Variants in TENM3 observed in about 807,000 individuals in gnomAD.
TENM3 encodes the protein teneurin transmembrane protein 3.
A neutral mutation model predicts 255.1 loss-of-function variants in TENM3; 63 were observed. The observed-to-expected ratio is 0.25, with a 90% CI of 0.20 to 0.30. TENM3 has a LOEUF of 0.30. Ranked by LOEUF, TENM3 falls within the 10% of genes least tolerant of loss-of-function variation. The pLI is 1.00. For synonymous variants in TENM3, 1,306 were observed against 1,322.3 expected, an observed-to-expected ratio of 0.99 and a Z score of 0.27; for missense variants, 2,929 against 3,461.1, an observed-to-expected ratio of 0.85 and a Z score of 3.86.
intron 3 of TENM3, among the ~76,000 whole-genome samples, chr4:182,468,786 T>C (rs868101238): frequency 2.0e-5 from 3 of 147,630 alleles, no homozygotes; most frequent in Middle Eastern, 3.5e-3. Context: ...TTTTCAGGAG[T>C]CTTCAAGTAA....
At chr4:181,796,640 G>A in the TENM3 span, among the ~76,000 whole-genome samples, 1 of 152,158 alleles carries the variant, frequency 6.6e-6, no homozygotes, top group Non-Finnish European at 1.5e-5. Flanking sequence ...GAATTAATCA[G>A]CAGGATGACA....
At chr4:182,498,835 G>A (rs1467396226) in intron 3 of TENM3, among the ~76,000 whole-genome samples, 1 of 150,142 alleles carries the variant, frequency 6.7e-6, no homozygotes, top group African/African-American at 2.4e-5. Flanking sequence ...ATCTTAGGCA[G>A]CAAGAGTGAA....
chr4:182,320,350 C>T (rs1028332725), intron 1 of TENM3, among the ~76,000 whole-genome samples: 6 of 152,180 alleles, frequency 3.9e-5, no homozygotes, highest in South Asian at 2.1e-4. Context: ...CACACCTCTG[C>T]GGTCCAGAGA....
chr4:182,737,729 T>C lies in TENM3; in HGVS notation c.3235+654T>C, dbSNP rs72995201. Reference sequence around the variant, plus strand: ...ATATGTTTTTGTTTTAATTAGTATTTACCTTAAAATAGAACATTGTACTCT... The same window carrying C: ...ATATGTTTTTGTTTTAATTAGTATTCACCTTAAAATAGAACATTGTACTCT... On this transcript the variant is annotated intron_variant, in intron 17 of 27. Transcript: ENST00000511685. Among the ~76,000 whole-genome samples the C allele has an allele frequency of 8.3e-3, 1,266 of 152,310 alleles. 15 individuals carry two copies. Among genetic ancestry groups the C allele is most frequent in the African/African-American group, 0.029 (1,187 of 41,564 alleles).
chr4:181,653,870 G>A, the TENM3 span, among the ~76,000 whole-genome samples: 6 of 151,150 alleles, frequency 4.0e-5, 1 homozygote, highest in East Asian at 2.0e-4. Context: ...CCTTTCCCCC[G>A]ACCCAGCAAC....
intron 1 of TENM3, among the ~76,000 whole-genome samples, chr4:182,155,032 A>G (rs1208961137): frequency 6.6e-6 from 1 of 152,192 alleles, no homozygotes; most frequent in Non-Finnish European, 1.5e-5. Flanking sequence ...TTAAGTGGTC[A>G]GATTACATAA....
chr4:181,497,589 A>C, the TENM3 span, among the ~76,000 whole-genome samples: 1 of 152,210 alleles, frequency 6.6e-6, no homozygotes, highest in African/African-American at 2.4e-5. Context: ...ATACAGAGGA[A>C]GCAAAACAAA....
chr4:181,562,796 T>G, the TENM3 span, among the ~76,000 whole-genome samples: 1 of 151,966 alleles, frequency 6.6e-6, no homozygotes, highest in Non-Finnish European at 1.5e-5. Flanking sequence ...TGCCTCAGCC[T>G]CCCAAGTAGC....
rs1227854979 is a variant in TENM3 at position 182,664,202 on chromosome 4, G to A, written c.1112-8803G>A. On this transcript the variant is annotated intron_variant, in intron 6 of 27. Coordinates refer to ENST00000511685, the MANE Select transcript of TENM3 (RefSeq NM_001080477.4). ...ATCGGCACCATTTTTCCAACAGCAT[G>A]TGCTCACATCATGTCTCTCTGTTGC... 7.2e-5 allele frequency among the ~76,000 whole-genome samples: 11 copies of A among 152,174 alleles called. 1 individual carries two copies.
At chr4:182,302,181 G>A (rs1761892033) in intron 1 of TENM3, among the ~76,000 whole-genome samples, 1 of 152,180 alleles carries the variant, frequency 6.6e-6, no homozygotes, top group Non-Finnish European at 1.5e-5. Context: ...TTTGCCCACA[G>A]ATTGTCTCCC....
At chr4:181,718,896 C>T in the TENM3 span, among the ~76,000 whole-genome samples, 1 of 152,214 alleles carries the variant, frequency 6.6e-6, no homozygotes, top group African/African-American at 2.4e-5. Flanking sequence ...CATAGTTTCT[C>T]CTTTAGTTCA....
chr4:181,820,809 C>CAT, the TENM3 span, among the ~76,000 whole-genome samples: 5 of 152,208 alleles, frequency 3.3e-5, no homozygotes, highest in African/African-American at 9.6e-5. Flanking sequence ...AGTGGCAGCA[C>CAT]ATGTGGTTCA....
Position 182,369,954 on chromosome 4 carries a change from T to G in TENM3, c.511+23025T>G, listed in dbSNP as rs561092397. Among the ~76,000 whole-genome samples, 27 of 152,292 alleles carry G rather than the reference T, an allele frequency of 1.8e-4. 1 individual carries two copies. Among genetic ancestry groups the G allele is most frequent in the Admixed American group, 1.8e-3 (27 of 15,302 alleles). ...GCATTTGATGAGAAGATAAGAGATC[T>G]GGTTTCTTATTCTGGTTCTATCATT... On this transcript the variant is annotated intron_variant, in intron 3 of 27. Coordinates refer to ENST00000511685, the MANE Select transcript of TENM3 (RefSeq NM_001080477.4).
chr4:182,620,211 C>G (rs1034670163), intron 4 of TENM3, among the ~76,000 whole-genome samples: 1 of 152,144 alleles, frequency 6.6e-6, no homozygotes, highest in Non-Finnish European at 1.5e-5. Flanking sequence ...TTTCCTTGTG[C>G]GGAAACTCAC....
chr4:182,137,340 C>CCG, the TENM3 span, among the ~76,000 whole-genome samples: 1 of 150,812 alleles, frequency 6.6e-6, no homozygotes, highest in African/African-American at 2.4e-5. Flanking sequence ...ACCTCCCCCC[C>CCG]CCCAAAAAGG....
At chr4:182,601,562 A>G (rs1747875274) in intron 4 of TENM3, among the ~76,000 whole-genome samples, 2 of 152,170 alleles carry the variant, frequency 1.3e-5, no homozygotes, top group South Asian at 2.1e-4. Flanking sequence ...TTCTCAGACT[A>G]TATTTTGTTC....
chr4:181,554,515 A>T, the TENM3 span, among the ~76,000 whole-genome samples: 1 of 152,210 alleles, frequency 6.6e-6, no homozygotes, highest in Non-Finnish European at 1.5e-5. Context: ...AATCTAGTTC[A>T]CCTCTGAACT....
At chr4:181,546,474 G>T in the TENM3 span, among the ~76,000 whole-genome samples, 23 of 151,782 alleles carry the variant, frequency 1.5e-4, no homozygotes, top group Admixed American at 9.2e-4. Flanking sequence ...CCAGCACTTT[G>T]GGAGGCCGAG....
At chr4:182,347,525 G>A (rs1042095103) in intron 3 of TENM3, among the ~76,000 whole-genome samples, 4 of 152,082 alleles carry the variant, frequency 2.6e-5, no homozygotes, top group African/African-American at 7.2e-5. Context: ...GTTCTTTGGG[G>A]ACTGGATTAC....
Sources: allele counts gnomAD v4.1 joint callset (sites outside exome capture counted in the v4.1 genomes callset), GRCh38; gene constraint gnomAD v4.1.1; transcripts MANE v1.5; gene names NCBI Gene and HGNC (gene_info 2026-07-23, HGNC 2026-07-21).